IBTK: variants seen among roughly 807,000 people sequenced by gnomAD.
IBTK encodes BTK-binding protein.
IBTK carries 83 observed loss-of-function variants against 154.9 expected under a neutral mutation model. The ratio of observed to expected loss-of-function variants is 0.54; its 90% CI spans 0.45 to 0.64. The LOEUF is 0.64. IBTK is among the 30% of genes least tolerant of loss of function. The pLI is 0.00. For synonymous variants in IBTK, 515 were observed against 536.1 expected, an observed-to-expected ratio of 0.96 and a Z score of 0.54; for missense variants, 1,332 against 1,584.6, an observed-to-expected ratio of 0.84 and a Z score of 2.71.
intron 19 of IBTK, 43 bp from the exon 20 acceptor site, chr6:82,200,751 A>G: frequency 1.5e-6 from 1 of 656,062 alleles, no homozygotes; most frequent in Non-Finnish European, 2.2e-6. Context: ...AAAATCTGTG[A>G]AGTTTTTTTT....
rs774352439 is a variant in IBTK, at chr6:82,171,463, G to C, written c.4024C>G (p.Pro1342Ala). The change falls in exon 29 of 29, where the codon CCA (proline) becomes GCA (alanine). Residue 1342 changes from proline (P) to alanine (A), a missense_variant. Transcript: ENST00000306270. ...TTATTCCACATAGGTACTGCCAGTG[G>C]TCCCTGCGGTGTCCTTTCAACAATG... is the stretch of plus-strand genomic sequence containing the variant. The part of the protein sequence containing the change: ...FVIVERTPQG[P>A]LAVPMWNKHG... The C allele has an allele frequency of 1.2e-6, 2 of 1,613,240 alleles. No individual in the cohort carries two copies. The highest frequency in any genetic ancestry group is 1.7e-6 in the Non-Finnish European group (2 of 1,179,546).
In IBTK at chr6:82,182,059, C is replaced by T. The variant is rs371603119; in HGVS notation, c.3576-31G>A. 6 of 1,575,550 alleles carry T rather than the reference C, an allele frequency of 3.8e-6. No individual in the cohort carries two copies. The African/African-American group carries it at 8.3e-5, about 22-fold the overall frequency. On this transcript the variant is annotated intron_variant, in intron 25 of 28. Coordinates refer to ENST00000306270, the MANE Select transcript of IBTK (RefSeq NM_015525.4). ...AAAGAAAGCAAAGATCATGTTAAAA[C>T]ATCCATTTTGTAAAAGGGCATTGCT...
At chr6:82,233,790 T>C (rs1208988618) in intron 3 of IBTK, among the ~76,000 whole-genome samples, 1 of 147,796 alleles carries the variant, frequency 6.8e-6, no homozygotes, top group Non-Finnish European at 1.5e-5. Flanking sequence ...CTCAACTCAC[T>C]GCAACCTCCA....
At chr6:82,211,914 C>A (rs1394814697) in intron 13 of IBTK, among the ~76,000 whole-genome samples, 3 of 151,406 alleles carry the variant, frequency 2.0e-5, no homozygotes, top group African/African-American at 4.8e-5. Context: ...TAATCTGGGC[C>A]AAGCACAGTT....
In IBTK at chr6:82,214,835, A is replaced by C; in HGVS notation, c.1602-6T>G. On this transcript the variant is annotated splice_region_variant and splice_polypyrimidine_tract_variant and intron_variant, in intron 11 of 28. Transcript: ENST00000306270. ...CAGCTGGAATTTCATAAAGGCTAGA[A>C]AGAAGACAAAAACAAATTATGCTTC... is the stretch of plus-strand genomic sequence containing the variant. 1 of 1,540,558 alleles carries C rather than the reference A, an allele frequency of 6.5e-7. No homozygotes were observed. The highest frequency in any genetic ancestry group is 8.7e-7 in the Non-Finnish European group (1 of 1,144,648).
chr6:82,203,061 A>G (rs936976563), intron 17 of IBTK, among the ~76,000 whole-genome samples: 1 of 151,062 alleles, frequency 6.6e-6, no homozygotes, highest in Non-Finnish European at 1.5e-5. Flanking sequence ...TATAAAACTA[A>G]GAAAAACTGA....
At chr6:82,225,825 T>C (rs1770276547) in intron 5 of IBTK, among the ~76,000 whole-genome samples, 178 bp from the exon 6 acceptor site, 1 of 152,218 alleles carries the variant, frequency 6.6e-6, no homozygotes, top group Non-Finnish European at 1.5e-5. Context: ...AGGATATGGT[T>C]GTAAGTTTAT....
At chr6:82,172,726 CT>C in intron 27 of IBTK, 2 of 477,640 alleles carry the variant, frequency 4.2e-6, no homozygotes, top group Middle Eastern at 1.1e-3. Flanking sequence ...TTTAGCAATG[CT>C]ACAATTTTTT....
intron 3 of IBTK, among the ~76,000 whole-genome samples, chr6:82,233,112 G>A (rs1291834208): frequency 6.7e-6 from 1 of 148,666 alleles, no homozygotes; most frequent in Non-Finnish European, 1.5e-5. Flanking sequence ...AGCCAAGATC[G>A]CGCCATTGCA....
At chr6:82,173,109 C>A in intron 27 of IBTK, 3 of 253,472 alleles carry the variant, frequency 1.2e-5, no homozygotes, top group Non-Finnish European at 2.2e-5. Context: ...TCAAACGATT[C>A]TCCTGTCCTA....
intron 5 of IBTK, among the ~76,000 whole-genome samples, chr6:82,226,401 T>C: frequency 6.6e-6 from 1 of 152,130 alleles, no homozygotes. Context: ...TAAAATAACG[T>C]AGTGAACCAA....
rs763196082 is a variant in IBTK at position 82,171,513 on chromosome 6, G to A, written c.3974C>T (p.Ala1325Val). 1.9e-6 allele frequency: 3 copies of A among 1,612,046 alleles called. No homozygotes were observed. The highest frequency in any genetic ancestry group is 2.5e-6 in the Non-Finnish European group (3 of 1,178,722). Reference protein sequence around the residue: ...AIQDLLVFYEAFGNPEEFVIV... With the variant: ...AIQDLLVFYEVFGNPEEFVIV... ...GACAAACTCTTCAGGGTTGCCAAAT[G>A]CCTCATAGAAAACCAATAAATCTTG... The change falls in exon 29 of 29, where the codon GCA becomes GTA. Residue 1325 changes from alanine (A) to valine (V), a missense_variant. Around this residue, in one of 3 missense-constraint regions of IBTK, gnomAD observed 1,134 missense variants for 1,274.7 expected, o/e 0.89. Transcript: ENST00000306270.
chr6:82,237,661 G>GGTAGTAGTAGTA (rs34696525), intron 2 of IBTK, among the ~76,000 whole-genome samples: 1 of 143,674 alleles, frequency 7.0e-6, no homozygotes, highest in South Asian at 2.2e-4. Context: ...AGATAGTAGT[G>GGTAGTAGTAGTA]GTAGTAGTAG....
chr6:82,184,682 A>G (rs1054617068), intron 25 of IBTK, among the ~76,000 whole-genome samples: 51 of 152,358 alleles, frequency 3.3e-4, no homozygotes, highest in African/African-American at 1.2e-3. Flanking sequence ...GGAATTCTAC[A>G]GACTAGGTGA....
chr6:82,183,370 G>A (rs1223322251), intron 25 of IBTK, among the ~76,000 whole-genome samples: 2 of 151,872 alleles, frequency 1.3e-5, no homozygotes, highest in Admixed American at 6.6e-5. Flanking sequence ...AGACAGGGCC[G>A]CTGCATTCCA....
At position 82,170,206 on chromosome 6, in the gene IBTK, C is replaced by T. The variant is rs1381922937; in HGVS notation, c.*1219G>A. On this transcript the variant is annotated 3_prime_UTR_variant, in exon 29 of 29. Coordinates refer to ENST00000306270, the MANE Select transcript of IBTK (RefSeq NM_015525.4). ...TATTAACTCTTTCCATAATAAATGT[C>T]AATATAGTAAAAAATGTCAAGCACA... 6.6e-6 allele frequency: 1 copy of T among 152,442 alleles called. No individual in the cohort carries two copies. Among genetic ancestry groups the T allele is most frequent in the Non-Finnish European group, 1.5e-5 (1 of 68,012 alleles). The allele number at this position is 152,442 out of a possible 1,614,324, so 9.4% of individuals were successfully genotyped here.
intron 2 of IBTK, among the ~76,000 whole-genome samples, chr6:82,235,934 C>T (rs7768543): frequency 0.24 from 36,238 of 151,874 alleles, 4,384 homozygotes; most frequent in African/African-American, 0.28. Flanking sequence ...AGTGCAATGG[C>T]GTGACCTCGG....
At chr6:82,178,454 G>A (rs569166363) in intron 26 of IBTK, among the ~76,000 whole-genome samples, 5 of 151,968 alleles carry the variant, frequency 3.3e-5, no homozygotes, top group Middle Eastern at 6.8e-3. Context: ...ATATATCTAA[G>A]ACATGCAATA....
At chr6:82,223,408 A>T (rs1181587835) in intron 8 of IBTK, 32 bp downstream of exon 8, 1 of 1,535,796 alleles carries the variant, frequency 6.5e-7, no homozygotes, top group African/African-American at 1.4e-5. Flanking sequence ...ATTATTATTA[A>T]AATTACGTTT....
Sources: gnomAD v4.1 joint callset for allele counts (sites outside exome capture counted in the v4.1 genomes callset) on GRCh38, gnomAD v4.1.1 for gene constraint, gnomAD v4.1.1 regional missense constraint, MANE v1.5 for transcripts, NCBI Gene and HGNC (gene_info 2026-07-23, HGNC 2026-07-21) for gene names.